REXO5: variants seen among roughly 807,000 people sequenced by gnomAD.
The protein encoded by REXO5 is RNA exonuclease 5, also known as exonuclease NEF-sp.
A neutral mutation model predicts 88.5 loss-of-function variants in REXO5; 48 were observed. That is an observed-to-expected ratio of 0.54 (90% CI 0.43 to 0.69). The LOEUF (loss-of-function observed/expected upper bound fraction) is 0.69. Among genes scored for constraint, REXO5 ranks in the 30% least tolerant of loss-of-function variants. The pLI, the probability that REXO5 is intolerant of heterozygous loss-of-function variation, is 0.00. For missense variants in REXO5, 749 were observed against 912.2 expected, an observed-to-expected ratio of 0.82 and a Z score of 2.30; for synonymous variants, 311 against 336.5, an observed-to-expected ratio of 0.92 and a Z score of 0.83.
intron 12 of REXO5, 75 bp downstream of exon 12, chr16:20,832,334 GT>G: frequency 1.1e-6 from 1 of 902,514 alleles, no homozygotes; most frequent in Non-Finnish European, 1.7e-6. Flanking sequence ...ACCTGAGAAT[GT>G]TTTTATCCTC....
chr16:20,834,563 C>T (rs2081395955), intron 13 of REXO5, among the ~76,000 whole-genome samples: 1 of 152,180 alleles, frequency 6.6e-6, no homozygotes, highest in South Asian at 2.1e-4. Context: ...TCACCACCCT[C>T]CCCTCCTTTG....
intron 10 of REXO5, among the ~76,000 whole-genome samples, chr16:20,827,659 T>G (rs994443989): frequency 6.6e-6 from 1 of 152,214 alleles, no homozygotes; most frequent in South Asian, 2.1e-4. Context: ...AACTGAACCA[T>G]GAAGGCAGAA....
chr16:20,832,333 T>C (rs983921381), intron 12 of REXO5, 74 bp downstream of exon 12: 15 of 927,238 alleles, frequency 1.6e-5, no homozygotes, highest in Middle Eastern at 4.3e-4. Flanking sequence ...CACCTGAGAA[T>C]GTTTTTATCC....
intron 18 of REXO5, among the ~76,000 whole-genome samples, chr16:20,845,463 T>C (rs1233480978): frequency 6.6e-6 from 1 of 152,130 alleles, no homozygotes; most frequent in East Asian, 1.9e-4. Context: ...CCAAGGGACT[T>C]TGAAGGACAA....
chr16:20,837,361 T>C (rs2081448522), intron 13 of REXO5, among the ~76,000 whole-genome samples: 2 of 152,122 alleles, frequency 1.3e-5, no homozygotes, highest in Non-Finnish European at 2.9e-5. Flanking sequence ...AATATTTAGG[T>C]TATAGTTTCT....
Position 20,830,909 on chromosome 16 carries a change from AAT to A in REXO5, c.1159-1246_1159-1245del, listed in dbSNP as rs1482938553. ...ATCTATCAACATTTACCATATTAGA[AAT>A]TAAATAAATTTTTAATATTAGTTTA... On this transcript the variant is annotated intron_variant, in intron 11 of 19. Transcript: ENST00000261377. Among the ~76,000 whole-genome samples the A allele has an allele frequency of 6.6e-5, 10 of 152,154 alleles. No homozygotes were observed. The East Asian group carries it at 1.7e-3, about 26-fold the overall frequency.
intron 3 of REXO5, among the ~76,000 whole-genome samples, chr16:20,813,989 C>A (rs1036703103): frequency 6.6e-6 from 1 of 151,966 alleles, no homozygotes; most frequent in African/African-American, 2.4e-5. Context: ...ATAATACACA[C>A]GTCTTTCTGG....
rs374764285 is a variant in REXO5, at chr16:20,807,052, A to G, written c.99A>G (p.Lys33=). The change falls in exon 2 of 20, where the codon AAA becomes AAG. Residue 33 remains lysine (K), a synonymous_variant. Coordinates refer to ENST00000261377, the MANE Select transcript of REXO5 (RefSeq NM_030941.3). ...NKLVGAAEAM[K]AGWDLEESQP... ...TGGTCGGGGCAGCTGAGGCGATGAA[A>G]GCCGGTTGGGATCTCGAGGAGAGTC... is the stretch of plus-strand genomic sequence containing the variant. 1.2e-6 allele frequency: 2 copies of G among 1,605,026 alleles called. No homozygotes were observed. The highest frequency in any genetic ancestry group is 1.3e-5 in the African/African-American group (1 of 74,894).
intron 3 of REXO5, among the ~76,000 whole-genome samples, chr16:20,814,387 C>A (rs185155343): frequency 1.8e-4 from 27 of 152,236 alleles, no homozygotes; most frequent in Middle Eastern, 3.4e-3. Context: ...TAGGCTCATA[C>A]AACCAGGCCC....
In REXO5 at chr16:20,844,717, A is replaced by G; in HGVS notation, c.1808A>G (p.Tyr603Cys). The G allele has an allele frequency of 6.2e-7, 1 of 1,614,186 alleles. No homozygotes were observed. The highest frequency in any genetic ancestry group is 8.5e-7 in the Non-Finnish European group (1 of 1,180,026). ...EGDSENQGSI[Y>C]LSGVSETFKE... ...GATTCTGAAAACCAAGGCTCTATAT[A>G]TCTGTCTGGAGTGAGTGAAACCTTC... Residue 603 changes from tyrosine (Y) to cysteine (C), a missense_variant, in exon 17 of 20, where the codon TAT (tyrosine) becomes TGT (cysteine). Coordinates refer to ENST00000261377, the MANE Select transcript of REXO5 (RefSeq NM_030941.3).
intron 18 of REXO5, 110 bp downstream of exon 18, chr16:20,845,351 T>A: frequency 1.1e-6 from 1 of 945,728 alleles, no homozygotes; most frequent in South Asian, 1.9e-5. Flanking sequence ...CTTATTTCAC[T>A]CTCCAGCTTC....
In REXO5 at chr16:20,832,157, T is replaced by C; in HGVS notation, c.1160T>C (p.Ile387Thr). ...TTTTACCACTTTGTTTTCTTCAAGA[T>C]TGCAGAACTAAATCTAGAAGCACTA... The part of the protein sequence containing the change: ...RYFLKHGPKK[I>T]AELNLEALAN... Residue 387 changes from isoleucine (I) to threonine (T), a missense_variant and splice_region_variant, in exon 12 of 20, where the codon ATT becomes ACT. Physicochemically the swap from Ile to Thr is moderately conservative, Grantham distance 89. Transcript: ENST00000261377. 6.3e-7 allele frequency: 1 copy of C among 1,598,854 alleles called. No homozygotes were observed. Among genetic ancestry groups the C allele is most frequent in the Non-Finnish European group, 8.5e-7 (1 of 1,170,486 alleles).
At chr16:20,828,084 TA>T (rs2081285323) in intron 10 of REXO5, among the ~76,000 whole-genome samples, 1 of 152,140 alleles carries the variant, frequency 6.6e-6, no homozygotes, top group African/African-American at 2.4e-5. Context: ...TATATACAAA[TA>T]AAAAAGTTTC....
chr16:20,834,606 A>G (rs1039363639), intron 13 of REXO5, among the ~76,000 whole-genome samples: 2 of 152,162 alleles, frequency 1.3e-5, no homozygotes, highest in Non-Finnish European at 2.9e-5. Flanking sequence ...TAGGCCGTTT[A>G]AAGTTGTCCC....
chr16:20,821,350 G>A lies in REXO5; in HGVS notation c.476-412G>A, dbSNP rs1404211317. Among the ~76,000 whole-genome samples the A allele has an allele frequency of 2.0e-5, 3 of 152,142 alleles. 1 individual carries two copies. The highest frequency in any genetic ancestry group is 4.2e-4 in the South Asian group (2 of 4,806). On this transcript the variant is annotated intron_variant, in intron 5 of 19. Transcript: ENST00000261377. ...TGCCCAGGCTGGAGTGCAGTGGCGC[G>A]ATCTCGGCTCACTGCAAGCTCTGCC...
chr16:20,840,438 G>A lies in REXO5; in HGVS notation c.1596G>A (p.Gln532=), dbSNP rs2081509114. 6.4e-7 allele frequency: 1 copy of A among 1,562,022 alleles called. No individual in the cohort carries two copies. The highest frequency in any genetic ancestry group is 1.2e-5 in the South Asian group (1 of 83,212). ...KRLFKSFGPV[Q]SMTFVLETRQ... ...TGTTTAAAAGCTTTGGCCCAGTCCAGTCAATGACTTTTGTTCTTGAAACCC... is the reference window on the plus strand; with the variant it reads ...TGTTTAAAAGCTTTGGCCCAGTCCAATCAATGACTTTTGTTCTTGAAACCC... Residue 532 remains glutamine (Q), a synonymous_variant, in exon 15 of 20, where the codon CAG becomes CAA. Coordinates refer to ENST00000261377, the MANE Select transcript of REXO5 (RefSeq NM_030941.3).
chr16:20,817,819 C>T (rs1567386593), intron 5 of REXO5, among the ~76,000 whole-genome samples: 2 of 152,186 alleles, frequency 1.3e-5, no homozygotes, highest in Non-Finnish European at 2.9e-5. Context: ...TTGAATGACT[C>T]CTGTATCTTT....
At chr16:20,807,585 GAAA>G (rs1013842567) in intron 2 of REXO5, among the ~76,000 whole-genome samples, 4 of 50,582 alleles carry the variant, frequency 7.9e-5, no homozygotes, top group East Asian at 6.0e-4. Flanking sequence ...TCACGTCTCA[GAAA>G]AAAAAAAAAA....
At chr16:20,846,112 C>T (rs2081602553) in intron 18 of REXO5, 109 bp from the exon 19 acceptor site, 2 of 859,566 alleles carry the variant, frequency 2.3e-6, no homozygotes, top group South Asian at 1.5e-5. Flanking sequence ...TTGTCTGGAA[C>T]CTTTACTGGA....
Sources: gnomAD v4.1 joint callset for allele counts (sites outside exome capture counted in the v4.1 genomes callset) on GRCh38, gnomAD v4.1.1 for gene constraint, MANE v1.5 for transcripts, NCBI Gene and HGNC (gene_info 2026-07-23, HGNC 2026-07-21) for gene names.